DGKI: variants seen among roughly 807,000 people sequenced by gnomAD.
The protein encoded by DGKI is DAG kinase iota.
DGKI carries 55 observed loss-of-function variants against 147.5 expected under a neutral mutation model. The ratio of observed to expected loss-of-function variants is 0.37; its 90% CI spans 0.30 to 0.47. The LOEUF is 0.47. Ranked by LOEUF, DGKI falls within the 20% of genes least tolerant of loss-of-function variation. DGKI has a pLI of 1.00. For synonymous variants in DGKI, 469 were observed against 477.1 expected (o/e 0.98, Z 0.22); for missense variants, 1,007 against 1,323.8 (o/e 0.76, Z 3.71).
At chr7:137,596,511 C>T (rs1819803429) in intron 12 of DGKI, among the ~76,000 whole-genome samples, 1 of 152,068 alleles carries the variant, frequency 6.6e-6, no homozygotes, top group East Asian at 1.9e-4. Context: ...CTCCCTAGAA[C>T]ACTAAAATCA....
At chr7:137,529,893 G>A (rs1817281862) in intron 20 of DGKI, among the ~76,000 whole-genome samples, 1 of 152,140 alleles carries the variant, frequency 6.6e-6, no homozygotes, top group African/African-American at 2.4e-5. Flanking sequence ...TGGATTACAG[G>A]AGTGTGCCAA....
chr7:137,780,514 C>T (rs1298014480), intron 1 of DGKI, among the ~76,000 whole-genome samples: 1 of 152,130 alleles, frequency 6.6e-6, no homozygotes, highest in African/African-American at 2.4e-5. Context: ...AGGGTGTCTA[C>T]AAGGAAGGTG....
intron 19 of DGKI, among the ~76,000 whole-genome samples, chr7:137,570,074 A>T (rs2128975401): frequency 6.6e-6 from 1 of 152,270 alleles, no homozygotes; most frequent in South Asian, 2.1e-4. Context: ...GATGAGTAAA[A>T]GAGAGACCTA....
intron 3 of DGKI, among the ~76,000 whole-genome samples, chr7:137,659,715 A>G (rs1027435045): frequency 2.6e-5 from 4 of 152,260 alleles, no homozygotes; most frequent in Admixed American, 6.5e-5. Flanking sequence ...GGCGGATCAC[A>G]AGGTCAGGAG....
intron 20 of DGKI, among the ~76,000 whole-genome samples, chr7:137,537,379 T>A (rs926473011): frequency 6.6e-6 from 1 of 152,188 alleles, no homozygotes; most frequent in Non-Finnish European, 1.5e-5. Context: ...CTCCTGTTCT[T>A]CCAAAAATAT....
chr7:137,656,331 T>C (rs1822219513), intron 4 of DGKI, 135 bp downstream of exon 4: 1 of 837,234 alleles, frequency 1.2e-6, no homozygotes. Context: ...ATTAGTAATC[T>C]GGTAATAATG....
chr7:137,571,265 G>C lies in DGKI; in HGVS notation c.1857C>G (p.Pro619=), dbSNP rs1818784663. 1.9e-6 allele frequency: 3 copies of C among 1,612,642 alleles called. No individual in the cohort carries two copies. The highest frequency in any genetic ancestry group is 1.3e-5 in the African/African-American group (1 of 74,818). Residue 619 remains proline, a synonymous_variant, in exon 19 of 33, where the codon CCC becomes CCG. Coordinates refer to ENST00000614521, the MANE Select transcript of DGKI (RefSeq NM_001321708.2). ...CATGGTGATCACCTGGGTTTCCCCA[G>C]GGCATTGTGCCAGCACAATATCTGC... is the stretch of plus-strand genomic sequence containing the variant. The part of the protein sequence containing the change: ...NIPRYCAGTM[P]WGNPGDHHDF...
chr7:137,437,282 G>A (rs1470705650), intron 28 of DGKI, among the ~76,000 whole-genome samples: 3 of 152,126 alleles, frequency 2.0e-5, no homozygotes, highest in Non-Finnish European at 4.4e-5. Flanking sequence ...TAAGATTTAT[G>A]AATTTAAAAC....
At chr7:137,485,062 G>A (rs1291410875) in intron 23 of DGKI, among the ~76,000 whole-genome samples, 2 of 152,012 alleles carry the variant, frequency 1.3e-5, no homozygotes, top group African/African-American at 4.8e-5. Flanking sequence ...TTTTGCTTAT[G>A]TGAACCAAGA....
At chr7:137,506,132 T>C (rs1470507206) in intron 21 of DGKI, among the ~76,000 whole-genome samples, 1 of 152,232 alleles carries the variant, frequency 6.6e-6, no homozygotes, top group Non-Finnish European at 1.5e-5. Flanking sequence ...TTGAAAATTA[T>C]GTCCACATAA....
chr7:137,766,116 G>A (rs74866875), intron 1 of DGKI, among the ~76,000 whole-genome samples: 4,089 of 152,216 alleles, frequency 0.027, 206 homozygotes, highest in African/African-American at 0.094. Flanking sequence ...GAACAAGATT[G>A]TTCAGGACTT....
Position 137,573,960 on chromosome 7 carries a change from G to A in DGKI, c.1762-1122C>T, listed in dbSNP as rs116440148. 7.4e-3 allele frequency among the ~76,000 whole-genome samples: 1,121 copies of A among 152,332 alleles called. 8 individuals are homozygous for A. The highest frequency in any genetic ancestry group is 0.026 in the African/African-American group (1,067 of 41,576). ...CTATAGACTTTCCGATGTCAAAGGCGTAAAGCCTGCTCTCGTATTTGCTTT... is the reference window on the plus strand; with the variant it reads ...CTATAGACTTTCCGATGTCAAAGGCATAAAGCCTGCTCTCGTATTTGCTTT... On this transcript the variant is annotated intron_variant, in intron 17 of 32. Transcript: ENST00000614521.
chr7:137,618,274 G>A (rs1409681343), intron 8 of DGKI, among the ~76,000 whole-genome samples: 1 of 142,210 alleles, frequency 7.0e-6, no homozygotes, highest in Non-Finnish European at 1.5e-5. Context: ...GCAATTGTAT[G>A]TTCATCTCCC....
intron 32 of DGKI, among the ~76,000 whole-genome samples, chr7:137,392,287 A>G (rs1379822625): frequency 6.6e-6 from 1 of 152,230 alleles, no homozygotes; most frequent in Non-Finnish European, 1.5e-5. Flanking sequence ...AGAAGTCAGC[A>G]GTAAAGGGAG....
intron 29 of DGKI, among the ~76,000 whole-genome samples, chr7:137,409,164 C>T (rs1812071104): frequency 6.6e-6 from 1 of 152,112 alleles, no homozygotes; most frequent in Admixed American, 6.5e-5. Flanking sequence ...ATGCTAATTA[C>T]CCTGATCTGA....
intron 1 of DGKI, among the ~76,000 whole-genome samples, chr7:137,748,754 C>T (rs1795416832): frequency 6.6e-6 from 1 of 152,194 alleles, no homozygotes; most frequent in South Asian, 2.1e-4. Context: ...CATATCCCAT[C>T]ACACAGATCA....
chr7:137,460,846 C>T (rs1370727475), intron 27 of DGKI, among the ~76,000 whole-genome samples: 1 of 152,120 alleles, frequency 6.6e-6, no homozygotes, highest in Non-Finnish European at 1.5e-5. Flanking sequence ...AAAACAATGA[C>T]ATAATAAATC....
intron 1 of DGKI, among the ~76,000 whole-genome samples, chr7:137,803,728 A>G (rs1332018166): frequency 6.6e-6 from 1 of 152,250 alleles, no homozygotes; most frequent in African/African-American, 2.4e-5. Flanking sequence ...CAATTAAAAT[A>G]CAACCATTTC....
intron 32 of DGKI, among the ~76,000 whole-genome samples, chr7:137,392,937 C>T (rs1411801310): frequency 6.6e-6 from 1 of 152,032 alleles, no homozygotes; most frequent in East Asian, 1.9e-4. Flanking sequence ...TTTAAAAATC[C>T]TTAAAAAGTA....
Sources: gnomAD v4.1 joint callset for allele counts (sites outside exome capture counted in the v4.1 genomes callset) on GRCh38, gnomAD v4.1.1 for gene constraint, MANE v1.5 for transcripts, NCBI Gene and HGNC (gene_info 2026-07-23, HGNC 2026-07-21) for gene names.